MAP1S: variants seen among roughly 807,000 people sequenced by gnomAD.
MAP1S encodes microtubule associated protein 1S, also known as microtubule-associated protein 1S.
A neutral mutation model predicts 60.9 loss-of-function variants in MAP1S; 27 were observed. The ratio of observed to expected loss-of-function variants is 0.44; its 90% confidence interval spans 0.33 to 0.61. The LOEUF is 0.61. Among genes scored for constraint, MAP1S ranks in the 20% least tolerant of loss-of-function variants. MAP1S has a pLI of 0.03. For missense variants in MAP1S, 1,608 were observed against 1,486.6 expected (o/e 1.08, Z -1.34); for synonymous variants, 826 against 694.2 (o/e 1.19, Z -2.98).
chr19:17,727,631 G>A lies in MAP1S; in HGVS notation c.2247G>A (p.Lys749=), dbSNP rs1356300082. 1 of 1,608,150 alleles carries A rather than the reference G, an allele frequency of 6.2e-7. No individual in the cohort carries two copies. Among genetic ancestry groups the A allele is most frequent in the East Asian group, 2.2e-5 (1 of 44,842 alleles). ...CACCCTGTGAATTTGAGCATCGCAA[G>A]GCGGTGCCAATGGCACCGGCACCTG... ...LVSPCEFEHR[K]AVPMAPAPAS... The change falls in exon 5 of 7, where the codon AAG becomes AAA. Residue 749 remains lysine, a synonymous_variant. Coordinates refer to ENST00000324096, the MANE Select transcript of MAP1S (RefSeq NM_018174.6). This position sits in a 1 kb window ranked among gnomAD's most constrained non-coding sequence, Gnocchi z 4.1.
At position 17,719,536 on chromosome 19, in the gene MAP1S, G is replaced by A. The variant is rs1186548335; in HGVS notation, c.34G>A (p.Ala12Thr). 3 of 1,246,016 alleles carry A rather than the reference G, an allele frequency of 2.4e-6. No homozygotes were observed. Among genetic ancestry groups the A allele is most frequent in the African/African-American group, 3.1e-5 (2 of 64,416 alleles). 77.2% of individuals were successfully genotyped at this position (1,246,016 alleles called of 1,614,324 possible). Residue 12 changes from alanine (A) to threonine (T), a missense_variant, in exon 1 of 7, where the codon GCT becomes ACT. Coordinates refer to ENST00000324096, the MANE Select transcript of MAP1S (RefSeq NM_018174.6). The part of the protein sequence containing the change: ...AAVAGSGAAA[A>T]PSSLLLVVGS... ...GGTGGCTGGATCTGGGGCTGCCGCGGCTCCGAGCTCACTGCTCCTCGTGGT... is the reference window on the plus strand; with the variant it reads ...GGTGGCTGGATCTGGGGCTGCCGCGACTCCGAGCTCACTGCTCCTCGTGGT...
intron 3 of MAP1S, among the ~76,000 whole-genome samples, chr19:17,724,822 G>T (rs2080402510): frequency 6.6e-6 from 1 of 152,164 alleles, no homozygotes; most frequent in Non-Finnish European, 1.5e-5. Flanking sequence ...TCAGGAGGAA[G>T]GGACATCAGA....
rs771764421 is a variant in MAP1S at position 17,727,972 on chromosome 19, G to A, written c.2588G>A (p.Arg863Gln). ...CAAACGGAGAACGTCAGCCGCACCC[G>A]GAAGCCCCTGGCCCGCCCCAACTCA... ...ARQTENVSRTRKPLARPNSRA... is the reference protein window; with the variant it reads ...ARQTENVSRTQKPLARPNSRA... The change falls in exon 5 of 7, where the codon CGG becomes CAG. Residue 863 changes from arginine (R) to glutamine (Q), a missense_variant. This residue lies in a region of MAP1S where 1,167 missense variants were observed against 961.4 expected (regional missense o/e 1.21). Coordinates refer to ENST00000324096, the MANE Select transcript of MAP1S (RefSeq NM_018174.6). This position sits in a 1 kb window ranked among gnomAD's most constrained non-coding sequence, Gnocchi z 4.1. 3.0e-5 allele frequency: 49 copies of A among 1,608,104 alleles called. 1 individual carries two copies. The South Asian group carries it at 3.2e-4, about 10-fold the overall frequency.
At chr19:17,720,858 C>A (rs934597622) in intron 1 of MAP1S, 78 bp from the exon 2 acceptor site, 4 of 1,134,690 alleles carry the variant, frequency 3.5e-6, no homozygotes, top group Non-Finnish European at 5.4e-6. Context: ...TCCCCACCCA[C>A]GGGGTGCTAA....
At chr19:17,728,756 A>G (rs1007058112) in intron 5 of MAP1S, 1 of 152,098 alleles carries the variant, frequency 6.6e-6, no homozygotes, top group Non-Finnish European at 1.5e-5. Flanking sequence ...GGGTTTCACC[A>G]TGTTGGCCAG....
chr19:17,732,069 TATAAA>T (rs1449112693), intron 5 of MAP1S, among the ~76,000 whole-genome samples: 1 of 152,252 alleles, frequency 6.6e-6, no homozygotes, highest in Non-Finnish European at 1.5e-5. Flanking sequence ...ATTCTGGTCT[TATAAA>T]ATGAGTTAGG....
chr19:17,724,333 CT>C (rs1157306116), intron 3 of MAP1S, 125 bp downstream of exon 3: 1 of 751,816 alleles, frequency 1.3e-6, no homozygotes, highest in African/African-American at 1.7e-5. Context: ...CACCACACTT[CT>C]TCGCCCACGA....
rs773290395 is a variant in MAP1S at position 17,725,004 on chromosome 19, G to A, written c.304-45G>A. The A allele has an allele frequency of 6.2e-6, 10 of 1,613,604 alleles. No homozygotes were observed. Among genetic ancestry groups the A allele is most frequent in the South Asian group, 3.3e-5 (3 of 91,072 alleles). The stretch of plus-strand genomic sequence containing the variant: ...TACCCCAAAGAGGACTGCTGGATAC[G>A]TCACTGCACAGAACGGGTCCTTTAG... On this transcript the variant is annotated intron_variant, in intron 3 of 6. Transcript: ENST00000324096. This position sits in a 1 kb window ranked among gnomAD's most constrained non-coding sequence, Gnocchi z 4.2.
At chr19:17,723,898 A>G (rs1255384915) in intron 2 of MAP1S, among the ~76,000 whole-genome samples, 5 of 152,202 alleles carry the variant, frequency 3.3e-5, no homozygotes, top group Non-Finnish European at 7.3e-5. Context: ...CAGGGGTGAC[A>G]GCTGCAAACC....
At chr19:17,720,494 G>A in intron 1 of MAP1S, 7 of 1,520,780 alleles carry the variant, frequency 4.6e-6, no homozygotes, top group Non-Finnish European at 6.1e-6. Context: ...CTCACATGGT[G>A]TCAGGAAGGA....
intron 5 of MAP1S, among the ~76,000 whole-genome samples, chr19:17,732,084 G>A (rs2080498100): frequency 6.6e-6 from 1 of 152,212 alleles, no homozygotes; most frequent in Non-Finnish European, 1.5e-5. Flanking sequence ...AATGAGTTAG[G>A]AAGTGTTCCT....
Position 17,719,547 on chromosome 19 carries a change from AC to A in MAP1S, c.46del (p.Leu16CysfsTer57). On this transcript the variant is annotated frameshift_variant, in exon 1 of 7. Transcript: ENST00000324096. LOFTEE classifies it high-confidence loss of function. Reference protein sequence around the residue: ...GSGAAAAPSSLLLVVGSEFGS... With the variant: ...GSGAAAAPSSXLLVVGSEFGS... Reference sequence around the variant, plus strand: ...CTGGGGCTGCCGCGGCTCCGAGCTCACTGCTCCTCGTGGTGGGCAGCGAGTT... The same window carrying A: ...CTGGGGCTGCCGCGGCTCCGAGCTCATGCTCCTCGTGGTGGGCAGCGAGTT... The A allele has an allele frequency of 1.6e-6, 2 of 1,246,042 alleles. No individual in the cohort carries two copies. Among genetic ancestry groups the A allele is most frequent in the Non-Finnish European group, 2.0e-6 (2 of 987,500 alleles). The allele number at this position is 1,246,042 out of a possible 1,614,324, so 77.2% of individuals were successfully genotyped here. A position where few individuals can be genotyped will look rare whatever the true frequency, so the allele number is the denominator to read the frequency against.
At chr19:17,723,312 C>T (rs1339741124) in intron 2 of MAP1S, among the ~76,000 whole-genome samples, 6 of 151,676 alleles carry the variant, frequency 4.0e-5, no homozygotes, top group Non-Finnish European at 5.9e-5. Flanking sequence ...TTTGGGAGGC[C>T]GAGGCAGGCG....
chr19:17,727,575 T>C lies in MAP1S; in HGVS notation c.2191T>C (p.Ser731Pro), dbSNP rs930299075. 3 of 1,607,036 alleles carry C rather than the reference T, an allele frequency of 1.9e-6. No homozygotes were observed. The highest frequency in any genetic ancestry group is 3.3e-4 in the Middle Eastern group (2 of 6,078). Residue 731 changes from serine to proline, a missense_variant, in exon 5 of 7, where the codon TCC becomes CCC. Ser to Pro is a moderately conservative substitution (Grantham distance 74). Around this residue, in one of 4 missense-constraint regions of MAP1S, gnomAD observed 1,167 missense variants for 961.4 expected, o/e 1.21. Coordinates refer to ENST00000324096, the MANE Select transcript of MAP1S (RefSeq NM_018174.6). The surrounding 1 kb of genome is among the most constrained non-coding windows in gnomAD (Gnocchi z 4.1). The stretch of plus-strand genomic sequence containing the variant: ...TGGCCCCCGGGCGCGGCGCTCGGCT[T>C]CCCCACACGATGTGGACCTGTGCCT... ...LRGPRARRSA[S>P]PHDVDLCLVS... is the part of the protein sequence containing the mutation.
At position 17,725,878 on chromosome 19, in the gene MAP1S, T is replaced by A. The variant is rs760150437; in HGVS notation, c.494T>A (p.Leu165His). The A allele has an allele frequency of 6.2e-7, 1 of 1,613,564 alleles. No individual in the cohort carries two copies. The highest frequency in any genetic ancestry group is 1.7e-5 in the Admixed American group (1 of 59,996). Residue 165 changes from leucine to histidine, a missense_variant, in exon 5 of 7, where the codon CTC becomes CAC. Leu to His is a moderately conservative substitution (Grantham distance 99, BLOSUM62 -3). Transcript: ENST00000324096. The surrounding 1 kb of genome is among the most constrained non-coding windows in gnomAD (Gnocchi z 4.2). ...CCCCCACCTGTGCAGCCGCCCATACTCACCATCACCTGCCCCACCTTCGGT... is the reference window on the plus strand; with the variant it reads ...CCCCCACCTGTGCAGCCGCCCATACACACCATCACCTGCCCCACCTTCGGT... ...TTPPPVQPPILTITCPTFGDW... is the reference protein window; with the variant it reads ...TTPPPVQPPIHTITCPTFGDW...
At chr19:17,730,617 C>G (rs1251329869) in intron 5 of MAP1S, among the ~76,000 whole-genome samples, 2 of 152,190 alleles carry the variant, frequency 1.3e-5, no homozygotes, top group Non-Finnish European at 2.9e-5. Context: ...TACCTAGCCC[C>G]CTTTGCCCAT....
At position 17,727,373 on chromosome 19, in the gene MAP1S, G is replaced by A. The variant is rs1313368974; in HGVS notation, c.1989G>A (p.Glu663=). The change falls in exon 5 of 7, where the codon GAG becomes GAA. Residue 663 remains glutamate, a synonymous_variant. Coordinates refer to ENST00000324096, the MANE Select transcript of MAP1S (RefSeq NM_018174.6). This position sits in a 1 kb window ranked among gnomAD's most constrained non-coding sequence, Gnocchi z 4.1. ...RLSLSPLRGG[E]AGPDASPTVT... ...CGCTGAGCCCACTGCGGGGCGGGGA[G>A]GCCGGGCCAGACGCCTCACCCACAG... 6.3e-7 allele frequency: 1 copy of A among 1,589,726 alleles called. No individual in the cohort carries two copies. The highest frequency in any genetic ancestry group is 8.5e-7 in the Non-Finnish European group (1 of 1,170,120).
In MAP1S at chr19:17,720,042, T is replaced by C. The variant is rs1022753223; in HGVS notation, c.118+422T>C. Reference sequence around the variant, plus strand: ...GATCTCCCGGAGGGAGAAGCAGATATGGGGGAGGCTGGGCCTGGAGCCCCG... The same window carrying C: ...GATCTCCCGGAGGGAGAAGCAGATACGGGGGAGGCTGGGCCTGGAGCCCCG... On this transcript the variant is annotated intron_variant, in intron 1 of 6. Coordinates refer to ENST00000324096, the MANE Select transcript of MAP1S (RefSeq NM_018174.6). 5 of 883,904 alleles carry C rather than the reference T, an allele frequency of 5.7e-6. No individual in the cohort carries two copies. The African/African-American group carries it at 7.2e-5, about 13-fold the overall frequency. 54.8% of individuals were successfully genotyped at this position (883,904 alleles called of 1,614,324 possible).
In MAP1S at chr19:17,727,967, C is replaced by A; in HGVS notation, c.2583C>A (p.Arg861=). The A allele has an allele frequency of 6.2e-7, 1 of 1,608,238 alleles. No individual in the cohort carries two copies. Among genetic ancestry groups the A allele is most frequent in the Non-Finnish European group, 8.5e-7 (1 of 1,177,180 alleles). The part of the protein sequence containing the change: ...KTARQTENVS[R]TRKPLARPNS... The stretch of plus-strand genomic sequence containing the variant: ...CACGGCAAACGGAGAACGTCAGCCG[C>A]ACCCGGAAGCCCCTGGCCCGCCCCA... The change falls in exon 5 of 7, where the codon CGC becomes CGA. Residue 861 remains arginine (R), a synonymous_variant. Transcript: ENST00000324096. This position sits in a 1 kb window ranked among gnomAD's most constrained non-coding sequence, Gnocchi z 4.1.
Sources: gnomAD v4.1 joint callset for allele counts (sites outside exome capture counted in the v4.1 genomes callset) on GRCh38, gnomAD v4.1.1 for gene constraint, gnomAD v4.1.1 regional missense constraint, Gnocchi (gnomAD v3.1) non-coding constraint, MANE v1.5 for transcripts, NCBI Gene and HGNC (gene_info 2026-07-23, HGNC 2026-07-21) for gene names.